The following RERE variants were observed in gnomAD, a reference collection of about 807,000 sequenced individuals.
RERE encodes the protein arginine-glutamic acid dipeptide repeats, also known as arginine-glutamic acid dipeptide repeats protein.
Under a neutral mutation model 146.1 loss-of-function variants are expected in RERE, and 40 were observed. The observed-to-expected ratio is 0.27, with a 90% confidence interval of 0.21 to 0.36. RERE has a LOEUF of 0.36. Ranked by LOEUF, RERE falls within the 10% of genes least tolerant of loss-of-function variation. The pLI is 1.00. For synonymous variants in RERE, 1,003 were observed against 866.0 expected (o/e 1.16, Z -2.78); for missense variants, 1,933 against 2,138.7 (o/e 0.90, Z 1.90).
At chr1:8,659,053 CAGGATTTCCATTTTCTAAACATATTTCA>C (rs1215511569) in intron 1 of RERE, among the ~76,000 whole-genome samples, 4 of 152,198 alleles carry the variant, frequency 2.6e-5, no homozygotes, top group Non-Finnish European at 4.4e-5. Context: ...CTGTTTCAAA[CAGGATTTCCATTTTCTAAACATATTTCA>C]AGAAAAGGAA....
In RERE at chr1:8,384,474, A is replaced by G. The variant is rs116551278; in HGVS notation, c.1285-18500T>C. Among the ~76,000 whole-genome samples, 1,080 of 152,330 alleles carry G rather than the reference A, an allele frequency of 7.1e-3. 12 individuals are homozygous for G. The highest frequency in any genetic ancestry group is 0.025 in the African/African-American group (1,051 of 41,568). On this transcript the variant is annotated intron_variant, in intron 12 of 22. Coordinates refer to ENST00000400908, the MANE Select transcript of RERE (RefSeq NM_001042681.2). ...AGCAGGGATCCTCTCCTGGGAACTC[A>G]AGCAATCATTTAAACAGTGCTCTCA... is the stretch of plus-strand genomic sequence containing the variant.
intron 12 of RERE, among the ~76,000 whole-genome samples, chr1:8,396,778 C>CA (rs113265946): frequency 1.0e-3 from 158 of 152,312 alleles, no homozygotes; most frequent in African/African-American, 3.4e-3. Context: ...ACGCTTTCAT[C>CA]ATCCCCCAAA....
Position 8,633,983 on chromosome 1 carries a change from A to T in RERE, c.326-9603T>A, listed in dbSNP as rs77480473. ...ATCAAATCAACACCCAAACAGTAAT[A>T]AGGTAAGGACCCAGAATTTGCTGCC... On this transcript the variant is annotated intron_variant, in intron 2 of 22. Transcript: ENST00000400908. Among the ~76,000 whole-genome samples, 716 of 152,256 alleles carry T rather than the reference A, an allele frequency of 4.7e-3. 3 individuals carry two copies. The highest frequency in any genetic ancestry group is 0.017 in the African/African-American group (689 of 41,558).
At chr1:8,591,050 AT>A (rs1424775248) in intron 4 of RERE, among the ~76,000 whole-genome samples, 1 of 152,204 alleles carries the variant, frequency 6.6e-6, no homozygotes, top group Non-Finnish European at 1.5e-5. Context: ...AGCTTCCCAA[AT>A]GTGTGTTCAC....
chr1:8,423,825 CA>C lies in RERE; in HGVS notation c.1204-1019del. The C allele has an allele frequency of 2.3e-6, 1 of 439,418 alleles. No homozygotes were observed. The highest frequency in any genetic ancestry group is 3.0e-6 in the Non-Finnish European group (1 of 333,280). 27.2% of individuals were successfully genotyped at this position (439,418 alleles called of 1,614,324 possible). ...AGCCCGGCGCGGCCGCGGGCGGCTGCAAAAGGCGGCCTGGATTGCCGCCGCC... is the reference window on the plus strand; with the variant it reads ...AGCCCGGCGCGGCCGCGGGCGGCTGCAAAGGCGGCCTGGATTGCCGCCGCC... On this transcript the variant is annotated intron_variant, in intron 11 of 22. Transcript: ENST00000400908. This position sits in a 1 kb window ranked among gnomAD's most constrained non-coding sequence, Gnocchi z 5.4.
Position 8,422,803 on chromosome 1 carries a change from C to G in RERE, c.1208G>C (p.Arg403Pro). 2 of 1,612,736 alleles carry G rather than the reference C, an allele frequency of 1.2e-6. No homozygotes were observed. The highest frequency in any genetic ancestry group is 1.7e-6 in the Non-Finnish European group (2 of 1,178,972). Residue 403 changes from arginine to proline, a missense_variant, in exon 12 of 23, where the codon CGC becomes CCC. Around this residue, in one of 11 missense-constraint regions of RERE, gnomAD observed 260 missense variants for 378.4 expected, o/e 0.69. Transcript: ENST00000400908. ...GTACTGCCTGAGTCCCTTAACGAAG[C>G]GTTTCTGTGATAAAAAGAAACAAAT... ...EKCWTEDEVK[R>P]FVKGLRQYGK...
At chr1:8,629,026 TCAC>T in intron 2 of RERE, among the ~76,000 whole-genome samples, 1 of 152,204 alleles carries the variant, frequency 6.6e-6, no homozygotes, top group East Asian at 1.9e-4. Flanking sequence ...ATCTTCAGAA[TCAC>T]CCATGTAAAA....
chr1:8,674,375 C>T (rs961937808), intron 1 of RERE, among the ~76,000 whole-genome samples: 1 of 152,052 alleles, frequency 6.6e-6, no homozygotes, highest in Non-Finnish European at 1.5e-5. Context: ...AAAACAGCTA[C>T]GTCTTCAGAG....
At chr1:8,627,070 CCTT>C (rs1381429555) in intron 2 of RERE, among the ~76,000 whole-genome samples, 1 of 152,204 alleles carries the variant, frequency 6.6e-6, no homozygotes, top group Non-Finnish European at 1.5e-5. Context: ...CTTCTTCTCT[CCTT>C]CTACTAGCCC....
At chr1:8,413,306 T>C (rs1643664094) in intron 12 of RERE, among the ~76,000 whole-genome samples, 2 of 152,066 alleles carry the variant, frequency 1.3e-5, no homozygotes, top group African/African-American at 4.8e-5. Flanking sequence ...GGAATCAGAG[T>C]CAAGTCCAAG....
chr1:8,633,257 A>C (rs1647055175), intron 2 of RERE, among the ~76,000 whole-genome samples: 3 of 152,046 alleles, frequency 2.0e-5, no homozygotes, highest in Non-Finnish European at 2.9e-5. Context: ...CCATCTCTAC[A>C]AAAAAAATTT....
In RERE at chr1:8,675,734, C is replaced by T. The variant is rs201260807; in HGVS notation, c.-144-19293G>A. On this transcript the variant is annotated intron_variant, in intron 1 of 22. Transcript: ENST00000400908. ...GCGAAACTCCGACTCAAAATACATA[C>T]ATATATACATACATACATACATACA... Among the ~76,000 whole-genome samples, 50 of 136,232 alleles carry T rather than the reference C, an allele frequency of 3.7e-4. 1 individual carries two copies. Among genetic ancestry groups the T allele is most frequent in the Admixed American group, 8.8e-4 (12 of 13,644 alleles). 89.4% of individuals were successfully genotyped at this position (136,232 alleles called of 152,430 possible).
chr1:8,455,790 C>T (rs1644446727), intron 11 of RERE, among the ~76,000 whole-genome samples: 2 of 152,192 alleles, frequency 1.3e-5, no homozygotes, highest in African/African-American at 2.4e-5. Context: ...CTCAAGACTT[C>T]CTAGTTTTGT....
In RERE at chr1:8,359,157, C is replaced by CT. The variant is rs140182398; in HGVS notation, c.3619-242dup. ...CAGATGGGAATGTGTCCCTGTGAGA[C>CT]TAAGCTCATGCATGGGTTGTCTACG... is the stretch of plus-strand genomic sequence containing the variant. On this transcript the variant is annotated intron_variant, in intron 19 of 22. Coordinates refer to ENST00000400908, the MANE Select transcript of RERE (RefSeq NM_001042681.2). Among the ~76,000 whole-genome samples, 518 of 152,332 alleles carry CT rather than the reference C, an allele frequency of 3.4e-3. 5 individuals carry two copies. Among genetic ancestry groups the CT allele is most frequent in the African/African-American group, 0.012 (500 of 41,574 alleles).
intron 10 of RERE, among the ~76,000 whole-genome samples, chr1:8,484,955 A>T (rs1002757709): frequency 6.6e-6 from 1 of 152,214 alleles, no homozygotes; most frequent in African/African-American, 2.4e-5. Flanking sequence ...ACAAAGAACA[A>T]CTGTCCTGAA....
At chr1:8,550,836 C>G (rs1645926626) in intron 6 of RERE, among the ~76,000 whole-genome samples, 1 of 152,170 alleles carries the variant, frequency 6.6e-6, no homozygotes, top group Non-Finnish European at 1.5e-5. Flanking sequence ...GCGTGAGCCA[C>G]CGTGCCCGGC....
chr1:8,404,986 C>A (rs1643398105), intron 12 of RERE, among the ~76,000 whole-genome samples: 1 of 152,200 alleles, frequency 6.6e-6, no homozygotes, highest in Non-Finnish European at 1.5e-5. Flanking sequence ...GATAAACCAA[C>A]TGACTATATG....
intron 4 of RERE, among the ~76,000 whole-genome samples, chr1:8,599,568 G>C (rs1646597033): frequency 6.6e-6 from 1 of 152,202 alleles, no homozygotes. Flanking sequence ...CAGGAGCACT[G>C]TAAAACGGAA....
chr1:8,403,090 G>C (rs964469153), intron 12 of RERE, among the ~76,000 whole-genome samples: 1 of 151,962 alleles, frequency 6.6e-6, no homozygotes, highest in Non-Finnish European at 1.5e-5. Context: ...GTAGAGACGG[G>C]GTTTCACCAT....
Sources: allele counts gnomAD v4.1 joint callset (sites outside exome capture counted in the v4.1 genomes callset), GRCh38; gene constraint gnomAD v4.1.1; regional missense constraint gnomAD v4.1.1; non-coding constraint Gnocchi (gnomAD v3.1); transcripts MANE v1.5; gene names NCBI Gene and HGNC (gene_info 2026-07-23, HGNC 2026-07-21).